Variants in SLC25A28 observed in about 807,000 individuals in gnomAD.
The protein encoded by SLC25A28 is solute carrier family 25 member 28.
In SLC25A28, 10 loss-of-function variants were observed where a neutral mutation model predicts 31.9. The observed-to-expected ratio is 0.31, with a 90% CI of 0.19 to 0.53. SLC25A28 has a LOEUF of 0.53. Ranked by LOEUF, SLC25A28 falls within the 20% of genes least tolerant of loss-of-function variation. The pLI is 0.95. For missense variants in SLC25A28, 256 were observed against 490.3 expected (o/e 0.52, Z 4.51); for synonymous variants, 208 against 203.6 (o/e 1.02, Z -0.19).
At chr10:99,629,851 A>G in the SLC25A28 span, among the ~76,000 whole-genome samples, 2 of 152,210 alleles carry the variant, frequency 1.3e-5, no homozygotes, top group Admixed American at 1.3e-4. Context: ...TTGTGAATGT[A>G]CTAAATGCCA....
intron 1 of SLC25A28, chr10:99,615,448 C>A (rs2034628239): frequency 1.0e-6 from 1 of 983,450 alleles, no homozygotes; most frequent in Admixed American, 6.2e-5. Context: ...AGAAAAGAAA[C>A]TAACCAGATG....
At chr10:99,639,840 G>A in the SLC25A28 span, among the ~76,000 whole-genome samples, 2 of 151,842 alleles carry the variant, frequency 1.3e-5, no homozygotes, top group African/African-American at 4.8e-5. Flanking sequence ...TAGCGACAAA[G>A]TTAAATCACT....
the SLC25A28 span, among the ~76,000 whole-genome samples, chr10:99,656,735 G>T: frequency 6.6e-6 from 1 of 152,230 alleles, no homozygotes. Context: ...GAGAAAAATT[G>T]CAAATGTAAT....
the SLC25A28 span, among the ~76,000 whole-genome samples, chr10:99,646,004 A>C: frequency 8.5e-5 from 13 of 152,114 alleles, no homozygotes; most frequent in Admixed American, 2.6e-4. Context: ...GGCTACTTGG[A>C]GGTCAGGGAC....
the SLC25A28 span, among the ~76,000 whole-genome samples, chr10:99,647,871 T>C: frequency 2.6e-5 from 4 of 152,236 alleles, no homozygotes; most frequent in African/African-American, 9.6e-5. Flanking sequence ...CTTTTGCATA[T>C]GGCCATCCAA....
the SLC25A28 span, among the ~76,000 whole-genome samples, chr10:99,628,933 T>C: frequency 1.3e-5 from 2 of 152,222 alleles, no homozygotes; most frequent in African/African-American, 4.8e-5. Flanking sequence ...GGTGAGAATG[T>C]AAAATCATTC....
upstream of SLC25A28, among the ~76,000 whole-genome samples, chr10:99,623,836 C>T (rs574928891): frequency 3.3e-5 from 5 of 152,308 alleles, no homozygotes; most frequent in South Asian, 1.0e-3. Context: ...TTGTTACCTG[C>T]TTGCTCCCAG....
chr10:99,644,726 A>G, the SLC25A28 span, among the ~76,000 whole-genome samples: 1 of 152,170 alleles, frequency 6.6e-6, no homozygotes, highest in East Asian at 1.9e-4. Flanking sequence ...TGCTGCCTTC[A>G]GGAGCTCTTG....
chr10:99,619,365 G>C (rs1385313639), intron 1 of SLC25A28: 1 of 985,260 alleles, frequency 1.0e-6, no homozygotes, highest in African/African-American at 1.7e-5. Flanking sequence ...TGTGCTCCCT[G>C]AACATACAGT....
the SLC25A28 span, among the ~76,000 whole-genome samples, chr10:99,640,910 G>T: frequency 6.6e-6 from 1 of 151,866 alleles, no homozygotes; most frequent in Non-Finnish European, 1.5e-5. Context: ...ATTTTTTATG[G>T]CTGCATAGTA....
At chr10:99,649,574 A>G in the SLC25A28 span, among the ~76,000 whole-genome samples, 662 of 152,238 alleles carry the variant, frequency 4.3e-3, 3 homozygotes, top group Non-Finnish European at 6.6e-3. Context: ...GTGAATCCAT[A>G]TGGTTCTGGG....
At chr10:99,649,635 C>T in the SLC25A28 span, among the ~76,000 whole-genome samples, 2 of 152,116 alleles carry the variant, frequency 1.3e-5, no homozygotes, top group African/African-American at 4.8e-5. Context: ...AATCTCGCTA[C>T]TCATTATTGT....
At chr10:99,626,388 A>T in the SLC25A28 span, among the ~76,000 whole-genome samples, 1 of 152,228 alleles carries the variant, frequency 6.6e-6, no homozygotes, top group African/African-American at 2.4e-5. Context: ...AGACTTTCCA[A>T]GGGTTATTTA....
Position 99,613,661 on chromosome 10 carries a change from G to A in SLC25A28, c.520+35C>T. 6.2e-7 allele frequency: 1 copy of A among 1,614,050 alleles called. No homozygotes were observed. Among genetic ancestry groups the A allele is most frequent in the Non-Finnish European group, 8.5e-7 (1 of 1,179,986 alleles). ...ACAGCAGCAAAGCCCAAAGAGTTGG[G>A]AAAGTGGGGGAACCAGCACAGGAAG... On this transcript the variant is annotated intron_variant, in intron 2 of 3. Transcript: ENST00000370495. This position sits in a 1 kb window ranked among gnomAD's most constrained non-coding sequence, Gnocchi z 4.9.
the SLC25A28 span, among the ~76,000 whole-genome samples, chr10:99,628,199 T>G: frequency 6.6e-6 from 1 of 152,214 alleles, no homozygotes; most frequent in Non-Finnish European, 1.5e-5. Context: ...ATTTTTATTT[T>G]TATGCTGGGA....
At chr10:99,617,827 T>G (rs2034692987) in intron 1 of SLC25A28, 1 of 975,710 alleles carries the variant, frequency 1.0e-6, no homozygotes, top group Non-Finnish European at 1.2e-6. Flanking sequence ...TGACTAATTT[T>G]TAAAAAACAA....
intron 1 of SLC25A28, among the ~76,000 whole-genome samples, chr10:99,619,640 C>A (rs1408463381): frequency 6.6e-6 from 1 of 152,232 alleles, no homozygotes; most frequent in Non-Finnish European, 1.5e-5. Flanking sequence ...AAAGCACTAG[C>A]CCAGAAAACA....
At chr10:99,644,423 A>G in the SLC25A28 span, among the ~76,000 whole-genome samples, 2 of 151,968 alleles carry the variant, frequency 1.3e-5, no homozygotes, top group African/African-American at 2.4e-5. Context: ...TGCTTGATAG[A>G]TCTTCCTCCA....
At chr10:99,637,295 A>T in the SLC25A28 span, among the ~76,000 whole-genome samples, 2 of 152,228 alleles carry the variant, frequency 1.3e-5, no homozygotes, top group Non-Finnish European at 2.9e-5. Flanking sequence ...ACCTCAATGT[A>T]ATAAAAGCCA....
Sources: gnomAD v4.1 joint callset for allele counts (sites outside exome capture counted in the v4.1 genomes callset) on GRCh38, gnomAD v4.1.1 for gene constraint, Gnocchi (gnomAD v3.1) non-coding constraint, MANE v1.5 for transcripts, NCBI Gene and HGNC (gene_info 2026-07-23, HGNC 2026-07-21) for gene names.